SMOC1: variants seen among roughly 807,000 people sequenced by gnomAD.
SMOC1 encodes SPARC-related modular calcium-binding protein 1.
In SMOC1, 22 loss-of-function variants were observed where a neutral mutation model predicts 56.3. That is an observed-to-expected ratio of 0.39 (90% CI 0.28 to 0.56). The LOEUF is 0.56. SMOC1 is among the 20% of genes least tolerant of loss of function. The pLI is 0.61. For synonymous variants in SMOC1, 193 were observed against 215.0 expected (o/e 0.90, Z 0.89); for missense variants, 509 against 565.4 (o/e 0.90, Z 1.01).
At chr14:69,957,751 G>C (rs1163262536) in intron 3 of SMOC1, among the ~76,000 whole-genome samples, 1 of 152,198 alleles carries the variant, frequency 6.6e-6, no homozygotes, top group Non-Finnish European at 1.5e-5. Context: ...GGCCAGTTCT[G>C]TTTCATCTTT....
chr14:70,030,471 G>A lies in SMOC1; in HGVS notation c.*213G>A, dbSNP rs189175828. 483 of 552,746 alleles carry A rather than the reference G, an allele frequency of 8.7e-4. 3 individuals carry two copies. The highest frequency in any genetic ancestry group is 8.6e-3 in the African/African-American group (449 of 52,078). 34.2% of individuals were successfully genotyped at this position (552,746 alleles called of 1,614,324 possible). A position where few individuals can be genotyped will look rare whatever the true frequency, so the allele number is the denominator to read the frequency against. ...CTAATACCACAGTGGGAAAAGGAAAGGGAAGAAAGACTTTATTCTCTCTCT... is the reference window on the plus strand; with the variant it reads ...CTAATACCACAGTGGGAAAAGGAAAAGGAAGAAAGACTTTATTCTCTCTCT... On this transcript the variant is annotated 3_prime_UTR_variant, in exon 12 of 12. Coordinates refer to ENST00000361956, the MANE Select transcript of SMOC1 (RefSeq NM_001034852.3).
chr14:69,925,801 A>G (rs1442634880), intron 1 of SMOC1, among the ~76,000 whole-genome samples: 1 of 152,214 alleles, frequency 6.6e-6, no homozygotes, highest in Non-Finnish European at 1.5e-5. Context: ...CAGCAAGTTC[A>G]TTGTAGGTTA....
chr14:69,941,340 C>T (rs1395867808), intron 1 of SMOC1, among the ~76,000 whole-genome samples: 1 of 152,176 alleles, frequency 6.6e-6, no homozygotes, highest in East Asian at 1.9e-4. Context: ...GAGGAGGCAG[C>T]GTGCATGTAG....
intron 3 of SMOC1, among the ~76,000 whole-genome samples, chr14:69,973,284 C>A (rs1883841849): frequency 6.6e-6 from 1 of 152,212 alleles, no homozygotes; most frequent in African/African-American, 2.4e-5. Context: ...CAATTCTCAC[C>A]ACCGCCACTC....
intron 6 of SMOC1, 79 bp from the exon 7 acceptor site, chr14:69,994,321 T>C (rs1197483014): frequency 2.7e-6 from 3 of 1,122,510 alleles, no homozygotes; most frequent in South Asian, 1.2e-5. Context: ...AAAATGACTA[T>C]TAAGAAGTCT....
intron 11 of SMOC1, among the ~76,000 whole-genome samples, chr14:70,027,152 G>T (rs1035099920): frequency 3.9e-5 from 6 of 152,184 alleles, no homozygotes; most frequent in African/African-American, 1.2e-4. Flanking sequence ...AGGCTCTGTG[G>T]GTCCTCTAGT....
intron 5 of SMOC1, among the ~76,000 whole-genome samples, chr14:69,981,305 T>C (rs1884170381): frequency 6.6e-6 from 1 of 152,182 alleles, no homozygotes; most frequent in Non-Finnish European, 1.5e-5. Flanking sequence ...TCAGACTATT[T>C]ACTTAATCCC....
intron 5 of SMOC1, among the ~76,000 whole-genome samples, chr14:69,981,666 G>A (rs1228728990): frequency 6.6e-6 from 1 of 152,184 alleles, no homozygotes; most frequent in East Asian, 1.9e-4. Flanking sequence ...AACAGTTGAA[G>A]GCTGAAGAAG....
At chr14:70,029,039 G>A (rs374350294) in intron 11 of SMOC1, among the ~76,000 whole-genome samples, 10 of 152,354 alleles carry the variant, frequency 6.6e-5, no homozygotes, top group African/African-American at 2.4e-4. Context: ...AGCAGAAGCC[G>A]TACAGCTGTG....
chr14:70,026,464 T>C (rs1442071495), intron 11 of SMOC1, among the ~76,000 whole-genome samples: 1 of 152,208 alleles, frequency 6.6e-6, no homozygotes. Context: ...CCAGCTGACA[T>C]ACAGGACCTG....
At chr14:69,941,042 A>C (rs1231561761) in intron 1 of SMOC1, among the ~76,000 whole-genome samples, 1 of 152,186 alleles carries the variant, frequency 6.6e-6, no homozygotes, top group Non-Finnish European at 1.5e-5. Flanking sequence ...CCTAAAGGGC[A>C]TTTAAGTTGT....
At chr14:69,919,415 A>T (rs1305635386) in intron 1 of SMOC1, among the ~76,000 whole-genome samples, 1 of 152,208 alleles carries the variant, frequency 6.6e-6, no homozygotes, top group Non-Finnish European at 1.5e-5. Flanking sequence ...ATACACCCTG[A>T]ACCTTTTCAC....
chr14:69,927,029 C>G (rs565669573), intron 1 of SMOC1, among the ~76,000 whole-genome samples: 1 of 152,236 alleles, frequency 6.6e-6, no homozygotes, highest in South Asian at 2.1e-4. Flanking sequence ...TGTCTTCACT[C>G]GCACTTCACT....
chr14:70,002,003 A>G (rs1048868517), intron 7 of SMOC1, among the ~76,000 whole-genome samples: 2 of 152,150 alleles, frequency 1.3e-5, no homozygotes, highest in African/African-American at 4.8e-5. Flanking sequence ...GGCACTTACT[A>G]CTGCTTTTAG....
chr14:69,911,891 A>G (rs751238928), intron 1 of SMOC1, among the ~76,000 whole-genome samples: 6 of 152,210 alleles, frequency 3.9e-5, no homozygotes, highest in Admixed American at 1.3e-4. Context: ...GCTGGGTCAT[A>G]TGGTAAATGT....
At chr14:69,907,350 A>G (rs1013998184) in intron 1 of SMOC1, among the ~76,000 whole-genome samples, 5 of 152,230 alleles carry the variant, frequency 3.3e-5, no homozygotes, top group Admixed American at 6.5e-5. Flanking sequence ...CTCTACTCTG[A>G]GAAATTCTTT....
chr14:69,992,110 C>G (rs1234100204), intron 5 of SMOC1, among the ~76,000 whole-genome samples: 1 of 152,124 alleles, frequency 6.6e-6, no homozygotes, highest in African/African-American at 2.4e-5. Flanking sequence ...GGAACAAGGG[C>G]CAGCAGAGTC....
intron 1 of SMOC1, among the ~76,000 whole-genome samples, chr14:69,932,515 G>A (rs1291214395): frequency 6.6e-6 from 1 of 152,212 alleles, no homozygotes; most frequent in Non-Finnish European, 1.5e-5. Flanking sequence ...AGTGGGAGCT[G>A]GAGGAACCTT....
intron 1 of SMOC1, among the ~76,000 whole-genome samples, chr14:69,948,703 C>T (rs568734106): frequency 6.6e-6 from 1 of 152,138 alleles, no homozygotes; most frequent in South Asian, 2.1e-4. Context: ...TTAAACCACG[C>T]CCCCCTTCAA....
Sources: gnomAD v4.1 joint callset for allele counts (sites outside exome capture counted in the v4.1 genomes callset) on GRCh38, gnomAD v4.1.1 for gene constraint, MANE v1.5 for transcripts, NCBI Gene and HGNC (gene_info 2026-07-23, HGNC 2026-07-21) for gene names.